ACTMAP: variants seen among roughly 807,000 people sequenced by gnomAD.
ACTMAP encodes the protein UPF0692 protein C19orf54.
At chr19:40,744,641 C>T in the ACTMAP span, 173 of 1,613,398 alleles carry the variant, frequency 1.1e-4, 1 homozygote, top group South Asian at 1.3e-3. Context: ...CACTGGGGGG[C>T]GACAGGAGAG....
chr19:40,745,503 G>A, the ACTMAP span, among the ~76,000 whole-genome samples: 1 of 152,116 alleles, frequency 6.6e-6, no homozygotes, highest in Non-Finnish European at 1.5e-5. Flanking sequence ...TCTCAAAGTG[G>A]TATCTCTATC....
At chr19:40,744,563 G>A in the ACTMAP span, 3 of 1,613,526 alleles carry the variant, frequency 1.9e-6, no homozygotes, top group Admixed American at 3.3e-5. Flanking sequence ...GCTCACCTGA[G>A]AACATCTCTC....
At chr19:40,742,379 G>C in the ACTMAP span, 1 of 1,404,204 alleles carries the variant, frequency 7.1e-7, no homozygotes, top group Non-Finnish European at 9.4e-7. Context: ...GAGAAGTGTA[G>C]GCACACTTCA....
chr19:40,744,490 G>C, the ACTMAP span: 1 of 1,587,096 alleles, frequency 6.3e-7, no homozygotes, highest in Non-Finnish European at 8.5e-7. Flanking sequence ...ACGGCTGCCA[G>C]CATCCCACCC....
At chr19:40,744,180 C>A in the ACTMAP span, 2 of 1,591,968 alleles carry the variant, frequency 1.3e-6, no homozygotes, top group Admixed American at 1.8e-5. Context: ...CCTGGGCCAG[C>A]CTGCCCATAT....
At chr19:40,745,017 C>T in the ACTMAP span, 1 of 1,307,372 alleles carries the variant, frequency 7.6e-7, no homozygotes, top group African/African-American at 1.5e-5. Context: ...TCCTTCCCTC[C>T]TCCTCCCAGC....
the ACTMAP span, among the ~76,000 whole-genome samples, chr19:40,749,320 T>G: frequency 6.6e-6 from 1 of 152,124 alleles, no homozygotes; most frequent in African/African-American, 2.4e-5. Flanking sequence ...GACAGCTTTC[T>G]TCATTGCTGG....
chr19:40,742,570 C>G, the ACTMAP span: 1 of 1,605,568 alleles, frequency 6.2e-7, no homozygotes, highest in South Asian at 1.1e-5. Context: ...AGGTTGCTCT[C>G]CCGGACCTGG....
chr19:40,744,637 G>A, the ACTMAP span: 1 of 1,613,692 alleles, frequency 6.2e-7, no homozygotes, highest in East Asian at 2.2e-5. Context: ...ACGCCACTGG[G>A]GGGCGACAGG....
chr19:40,744,585 T>C, the ACTMAP span: 1 of 1,613,766 alleles, frequency 6.2e-7, no homozygotes. Context: ...CTGGGCCGTG[T>C]AGCCTCTTTC....
the ACTMAP span, among the ~76,000 whole-genome samples, chr19:40,746,849 C>T: frequency 1.3e-5 from 2 of 150,920 alleles, no homozygotes; most frequent in East Asian, 2.0e-4. Flanking sequence ...CTCTGTCGCC[C>T]GGGCTGGAGT....
At chr19:40,744,180 C>T in the ACTMAP span, 1 of 1,591,968 alleles carries the variant, frequency 6.3e-7, no homozygotes, top group Non-Finnish European at 8.5e-7. Flanking sequence ...CCTGGGCCAG[C>T]CTGCCCATAT....
chr19:40,749,535 G>C, the ACTMAP span: 5 of 1,551,120 alleles, frequency 3.2e-6, no homozygotes, highest in East Asian at 9.8e-5. Flanking sequence ...CTTGGGGACC[G>C]GGCCGGCCTT....
At chr19:40,745,694 CAG>C in the ACTMAP span, among the ~76,000 whole-genome samples, 2 of 151,980 alleles carry the variant, frequency 1.3e-5, no homozygotes, top group African/African-American at 4.8e-5. Flanking sequence ...TATTTTGAGA[CAG>C]AGTTTTGCTC....
chr19:40,746,576 CCT>C, the ACTMAP span, among the ~76,000 whole-genome samples: 2 of 152,132 alleles, frequency 1.3e-5, no homozygotes, highest in African/African-American at 2.4e-5. Context: ...AGGGTTTCAC[CCT>C]GTTAGCCAGG....
the ACTMAP span, chr19:40,744,945 C>T: frequency 1.8e-5 from 15 of 818,888 alleles, no homozygotes; most frequent in Non-Finnish European, 2.5e-5. Flanking sequence ...GTTCATTCCT[C>T]GCATGTCCCA....
chr19:40,744,198 T>C, the ACTMAP span: 2 of 1,568,646 alleles, frequency 1.3e-6, no homozygotes, highest in Middle Eastern at 2.2e-4. Flanking sequence ...TATCGGCCAC[T>C]GCAGGGTGAG....
chr19:40,748,915 A>C, the ACTMAP span, among the ~76,000 whole-genome samples: 2 of 148,368 alleles, frequency 1.3e-5, no homozygotes, highest in African/African-American at 5.0e-5. Flanking sequence ...GACAGCCCTG[A>C]CCACTCTGGG....
chr19:40,747,460 C>T, the ACTMAP span, among the ~76,000 whole-genome samples: 1 of 151,994 alleles, frequency 6.6e-6, no homozygotes, highest in Non-Finnish European at 1.5e-5. Context: ...ATCGCTTGAA[C>T]CCGGGAGGCA....
Sources: gnomAD v4.1 joint callset for allele counts (sites outside exome capture counted in the v4.1 genomes callset) on GRCh38, gnomAD v4.1.1 for gene constraint, MANE v1.5 for transcripts, NCBI Gene and HGNC (gene_info 2026-07-23, HGNC 2026-07-21) for gene names.